CDH13: variants seen among roughly 807,000 people sequenced by gnomAD.
CDH13 encodes the protein cadherin-13.
In CDH13, 24 loss-of-function variants were observed where a neutral mutation model predicts 63.8. That is an observed-to-expected ratio of 0.38 (90% CI 0.27 to 0.53). The LOEUF is 0.53. Ranked by LOEUF, CDH13 falls within the 20% of genes least tolerant of loss-of-function variation. The pLI, the probability that CDH13 is intolerant of heterozygous loss-of-function variation, is 0.85. For synonymous variants in CDH13, 503 were observed against 355.3 expected (o/e 1.42, Z -4.67); for missense variants, 1,049 against 903.1 (o/e 1.16, Z -2.07).
chr16:83,162,900 C>T (rs1482412444), intron 4 of CDH13, among the ~76,000 whole-genome samples: 2 of 152,096 alleles, frequency 1.3e-5, no homozygotes, highest in Non-Finnish European at 2.9e-5. Context: ...CTAGCTTGGG[C>T]TGCTCCCAAG....
chr16:83,784,947 AAG>A (rs749739209), intron 13 of CDH13, among the ~76,000 whole-genome samples: 6 of 152,324 alleles, frequency 3.9e-5, no homozygotes, highest in African/African-American at 1.4e-4. Context: ...ATCTTCTGCA[AAG>A]AGAGAGAGAA....
intron 3 of CDH13, among the ~76,000 whole-genome samples, chr16:83,080,871 G>GTTTTTTTTTTTTTTGTTTT (rs2033186496): frequency 2.1e-5 from 1 of 46,956 alleles, no homozygotes; most frequent in African/African-American, 9.2e-5. Context: ...TTGTTTTTGT[G>GTTTTTTTTTTTTTTGTTTT]TTTTTTTTTT....
At position 83,795,884 on chromosome 16, in the gene CDH13, A is replaced by C. The variant is rs1456948952; in HGVS notation, c.*854A>C. 6.6e-6 allele frequency: 1 copy of C among 152,596 alleles called. No homozygotes were observed. The highest frequency in any genetic ancestry group is 1.5e-5 in the Non-Finnish European group (1 of 68,044). The allele number at this position is 152,596 out of a possible 1,614,324, so 9.5% of individuals were successfully genotyped here. A position where few individuals can be genotyped will look rare whatever the true frequency, so the allele number is the denominator to read the frequency against. ...ATGGGGACACAGATCATGGTAGAGAATCTCTCCCTCCTCAGTAAATGTACA... is the reference window on the plus strand; with the variant it reads ...ATGGGGACACAGATCATGGTAGAGACTCTCTCCCTCCTCAGTAAATGTACA... On this transcript the variant is annotated 3_prime_UTR_variant, in exon 14 of 14. Coordinates refer to ENST00000567109, the MANE Select transcript of CDH13 (RefSeq NM_001257.5).
intron 5 of CDH13, among the ~76,000 whole-genome samples, chr16:83,223,010 C>T (rs1360570609): frequency 3.9e-5 from 6 of 152,088 alleles, no homozygotes; most frequent in Non-Finnish European, 8.8e-5. Context: ...CCCACACACA[C>T]ACCTAATCTG....
chr16:83,519,107 G>T (rs984680120), intron 7 of CDH13, among the ~76,000 whole-genome samples: 1 of 152,112 alleles, frequency 6.6e-6, no homozygotes, highest in African/African-American at 2.4e-5. Flanking sequence ...AATCTGGAAG[G>T]ATAGAGAATA....
rs1567514996 is a variant in CDH13, at chr16:83,217,418, G to A, written c.557G>A (p.Gly186Glu). The change falls in exon 5 of 14, where the codon GGA (glycine) becomes GAA (glutamate). Residue 186 changes from glycine to glutamate, a missense_variant. By Grantham distance (98) the Gly-to-Glu change is moderately conservative. Transcript: ENST00000567109. ...TGKGVDQEPK[G>E]IFRINENTGS... Reference sequence around the variant, plus strand: ...AAGGGAGTGGATCAAGAGCCTAAAGGAATTTTCAGAATCAATGAGAACACA... The same window carrying A: ...AAGGGAGTGGATCAAGAGCCTAAAGAAATTTTCAGAATCAATGAGAACACA... 1 of 1,613,946 alleles carries A rather than the reference G, an allele frequency of 6.2e-7. No homozygotes were observed. The highest frequency in any genetic ancestry group is 8.5e-7 in the Non-Finnish European group (1 of 1,179,856).
chr16:83,488,050 C>A (rs771564655), intron 7 of CDH13, among the ~76,000 whole-genome samples: 33 of 152,288 alleles, frequency 2.2e-4, no homozygotes, highest in Non-Finnish European at 4.4e-4. Flanking sequence ...TTGGTCTAGA[C>A]CTGAATTGTC....
chr16:82,918,506 C>CTTTT (rs34099579), intron 2 of CDH13, among the ~76,000 whole-genome samples: 3 of 119,726 alleles, frequency 2.5e-5, no homozygotes, highest in Non-Finnish European at 3.6e-5. Context: ...TACACTTTCA[C>CTTTT]TTTTTTTTTT....
chr16:83,689,748 G>C (rs1904658858), intron 10 of CDH13, among the ~76,000 whole-genome samples: 2 of 152,292 alleles, frequency 1.3e-5, no homozygotes, highest in South Asian at 4.1e-4. Flanking sequence ...CCTGAGTGTA[G>C]GCTGCACATG....
intron 6 of CDH13, among the ~76,000 whole-genome samples, chr16:83,432,335 C>T (rs1304975010): frequency 6.6e-6 from 1 of 152,154 alleles, no homozygotes; most frequent in Non-Finnish European, 1.5e-5. Context: ...AGAACTCATA[C>T]CATGTCATCC....
At chr16:83,589,105 C>T (rs952938843) in intron 7 of CDH13, among the ~76,000 whole-genome samples, 7 of 152,128 alleles carry the variant, frequency 4.6e-5, no homozygotes, top group African/African-American at 1.4e-4. Flanking sequence ...TTTGTGAGGG[C>T]TCCAAGGGAG....
intron 6 of CDH13, among the ~76,000 whole-genome samples, chr16:83,439,264 A>G (rs952810472): frequency 6.6e-6 from 1 of 152,236 alleles, no homozygotes; most frequent in African/African-American, 2.4e-5. Flanking sequence ...AAAAGAAGCT[A>G]TTAATACTAT....
intron 2 of CDH13, among the ~76,000 whole-genome samples, chr16:82,864,961 C>G (rs1167559182): frequency 2.0e-5 from 3 of 152,124 alleles, no homozygotes; most frequent in East Asian, 3.9e-4. Context: ...GAAAAATTGG[C>G]CAAAACGAAG....
At chr16:83,381,577 G>A (rs915814041) in intron 6 of CDH13, among the ~76,000 whole-genome samples, 1 of 151,650 alleles carries the variant, frequency 6.6e-6, no homozygotes, top group Non-Finnish European at 1.5e-5. Context: ...TTATTAAGCA[G>A]CAATTACCCT....
At chr16:83,333,004 A>G (rs13332362) in intron 5 of CDH13, among the ~76,000 whole-genome samples, 49,816 of 152,012 alleles carry the variant, frequency 0.33, 8,304 homozygotes, top group East Asian at 0.49. Context: ...TGATAATAGT[A>G]TCAAGATCTT....
At chr16:83,204,027 A>T (rs562046280) in intron 4 of CDH13, among the ~76,000 whole-genome samples, 1 of 152,354 alleles carries the variant, frequency 6.6e-6, no homozygotes, top group South Asian at 2.1e-4. Context: ...AAATCTGGAA[A>T]TCGAGACTTT....
At chr16:82,918,392 G>T (rs1274099619) in intron 2 of CDH13, among the ~76,000 whole-genome samples, 1 of 152,128 alleles carries the variant, frequency 6.6e-6, no homozygotes, top group East Asian at 1.9e-4. Context: ...GATGAGAGGT[G>T]AGTAGACAGC....
At chr16:83,737,313 G>C (rs1470097976) in intron 10 of CDH13, among the ~76,000 whole-genome samples, 1 of 152,118 alleles carries the variant, frequency 6.6e-6, no homozygotes, top group East Asian at 1.9e-4. Context: ...GGTAAGTCTC[G>C]AAGTTTGACT....
intron 10 of CDH13, among the ~76,000 whole-genome samples, chr16:83,746,542 C>G (rs568685576): frequency 6.6e-6 from 1 of 152,088 alleles, no homozygotes; most frequent in African/African-American, 2.4e-5. Flanking sequence ...CGTGAAGACT[C>G]GGGGTTAACT....
Sources: allele counts gnomAD v4.1 joint callset (sites outside exome capture counted in the v4.1 genomes callset), GRCh38; gene constraint gnomAD v4.1.1; transcripts MANE v1.5; gene names NCBI Gene and HGNC (gene_info 2026-07-23, HGNC 2026-07-21).